Variants in FBXO38 observed in about 807,000 individuals in gnomAD.
The protein encoded by FBXO38 is F-box only protein 38.
A neutral mutation model predicts 131.9 loss-of-function variants in FBXO38; 53 were observed. That is an observed-to-expected ratio of 0.40 (90% CI 0.32 to 0.51). FBXO38 has a LOEUF of 0.51. Ranked by LOEUF, FBXO38 falls within the 20% of genes least tolerant of loss-of-function variation. FBXO38 has a pLI of 0.53. For synonymous variants in FBXO38, 452 were observed against 505.6 expected (o/e 0.89, Z 1.42); for missense variants, 1,076 against 1,475.6 (o/e 0.73, Z 4.44).
chr5:148,424,039 G>C lies in FBXO38; in HGVS notation c.1660G>C (p.Val554Leu), dbSNP rs752367593. 3.7e-6 allele frequency: 6 copies of C among 1,613,524 alleles called. No individual in the cohort carries two copies. The South Asian group carries it at 5.5e-5, about 15-fold the overall frequency. Residue 554 changes from valine to leucine, a missense_variant, in exon 13 of 22, where the codon GTG (valine) becomes CTG (leucine). By Grantham distance (32) the Val-to-Leu change is conservative. Around this residue, in one of 8 missense-constraint regions of FBXO38, gnomAD observed 212 missense variants for 221.2 expected, o/e 0.96. Transcript: ENST00000340253. ...AGACATCGTCCAAGAAGATGGAGAG[G>C]TGGTGGCCGAGAGTGGAAATAATAC... ...MEDIVQEDGE[V>L]VAESGNNTPA...
At chr5:148,408,784 G>A (rs991137553) in intron 7 of FBXO38, among the ~76,000 whole-genome samples, 3 of 152,080 alleles carry the variant, frequency 2.0e-5, no homozygotes, top group Admixed American at 6.5e-5. Context: ...TATGATATTT[G>A]GAGGTTCGAA....
In FBXO38 at chr5:148,427,235, A is replaced by C. The variant is rs1295146827; in HGVS notation, c.1941A>C (p.Pro647=). 6.2e-7 allele frequency: 1 copy of C among 1,600,316 alleles called. No homozygotes were observed. The highest frequency in any genetic ancestry group is 8.5e-7 in the Non-Finnish European group (1 of 1,173,134). ...CAGTAAGTGGAAAAGGCAAGACTCC[A>C]CTTCGAAAGAGGTACAACTCCCATC... The part of the protein sequence containing the change: ...ELSVSGKGKT[P]LRKRYNSHQM... Residue 647 remains proline, a synonymous_variant, in exon 15 of 22, where the codon CCA becomes CCC. Transcript: ENST00000340253.
chr5:148,410,827 A>G, intron 9 of FBXO38, 62 bp downstream of exon 9: 7 of 1,492,732 alleles, frequency 4.7e-6, no homozygotes, highest in Non-Finnish European at 5.5e-6. Flanking sequence ...ACAAACTGAA[A>G]TCTGAATTGG....
At chr5:148,393,219 G>GTT (rs1358503238) in intron 1 of FBXO38, among the ~76,000 whole-genome samples, 5 of 151,240 alleles carry the variant, frequency 3.3e-5, no homozygotes, top group Non-Finnish European at 7.4e-5. Flanking sequence ...GTGTGTGTGT[G>GTT]TGTGTGTGTG....
Position 148,442,507 on chromosome 5 carries a change from A to G in FBXO38, c.*360A>G, listed in dbSNP as rs1754748898. On this transcript the variant is annotated 3_prime_UTR_variant, in exon 22 of 22. Coordinates refer to ENST00000340253, the MANE Select transcript of FBXO38 (RefSeq NM_205836.3). ...TTAATGATTATTGTCATCCCTTTAA[A>G]TCTGTGCCTTTTTCTTCTTGAGCGA... 1 of 160,732 alleles carries G rather than the reference A, an allele frequency of 6.2e-6. No individual in the cohort carries two copies. Among genetic ancestry groups the G allele is most frequent in the Non-Finnish European group, 1.4e-5 (1 of 73,792 alleles). The allele number at this position is 160,732 out of a possible 1,614,324, so 10.0% of individuals were successfully genotyped here.
At chr5:148,423,307 C>G (rs1753544257) in intron 12 of FBXO38, among the ~76,000 whole-genome samples, 1 of 152,134 alleles carries the variant, frequency 6.6e-6, no homozygotes, top group African/African-American at 2.4e-5. Flanking sequence ...CTGTTAAAAC[C>G]TCTAGACCTC....
intron 1 of FBXO38, among the ~76,000 whole-genome samples, chr5:148,391,733 A>G (rs542607721): frequency 1.1e-4 from 17 of 152,186 alleles, no homozygotes; most frequent in Non-Finnish European, 2.1e-4. Flanking sequence ...TTGCTTGGCC[A>G]TGTATATTGT....
rs1389669161 is a variant in FBXO38 at position 148,439,653 on chromosome 5, A to C, written c.3031A>C (p.Thr1011Pro). Residue 1011 changes from threonine (T) to proline (P), a missense_variant, in exon 19 of 22, where the codon ACT (threonine) becomes CCT (proline). Transcript: ENST00000340253. Reference sequence around the variant, plus strand: ...TTTATGATGTCTTCCACAGGTGGACACTCTAACTTTGGAGCAGAAGCTATT... The same window carrying C: ...TTTATGATGTCTTCCACAGGTGGACCCTCTAACTTTGGAGCAGAAGCTATT... ...IYLRPMQQVD[T>P]LTLEQKLFSG... The C allele has an allele frequency of 9.4e-6, 15 of 1,603,026 alleles. No individual in the cohort carries two copies. Among genetic ancestry groups the C allele is most frequent in the Non-Finnish European group, 1.3e-5 (15 of 1,179,394 alleles).
chr5:148,408,318 T>C (rs1752553490), intron 7 of FBXO38, among the ~76,000 whole-genome samples: 3 of 152,334 alleles, frequency 2.0e-5, no homozygotes, highest in Admixed American at 6.5e-5. Context: ...TGAAATACTG[T>C]TTGGTAGTAT....
intron 6 of FBXO38, 109 bp downstream of exon 6, chr5:148,404,931 A>T (rs1268488328): frequency 6.4e-6 from 6 of 944,626 alleles, no homozygotes; most frequent in Admixed American, 7.6e-5. Context: ...ATTACTATTT[A>T]TGTCTTATAA....
intron 21 of FBXO38, 94 bp from the exon 22 acceptor site, chr5:148,441,875 G>T: frequency 1.0e-6 from 1 of 997,162 alleles, no homozygotes; most frequent in Non-Finnish European, 1.5e-6. Context: ...TTATAGTGCA[G>T]TATATGGGAC....
intron 5 of FBXO38, among the ~76,000 whole-genome samples, chr5:148,404,147 A>G (rs17638781): frequency 0.1 from 15,328 of 152,226 alleles, 1,000 homozygotes; most frequent in South Asian, 0.15. Flanking sequence ...ACAAATTCTT[A>G]AGATTCATAT....
intron 15 of FBXO38, among the ~76,000 whole-genome samples, chr5:148,428,630 T>C (rs1753861862): frequency 6.6e-6 from 1 of 152,240 alleles, no homozygotes; most frequent in South Asian, 2.1e-4. Context: ...GCCTTTATTA[T>C]ATCATTACTG....
intron 2 of FBXO38, among the ~76,000 whole-genome samples, chr5:148,396,356 G>C (rs745359985): frequency 6.6e-6 from 1 of 152,096 alleles, no homozygotes; most frequent in South Asian, 2.1e-4. Flanking sequence ...ACAAACATAG[G>C]CTCCATTCAA....
chr5:148,415,921 T>C lies in FBXO38; in HGVS notation c.1265-7T>C, dbSNP rs888571837. The C allele has an allele frequency of 7.4e-6, 12 of 1,613,322 alleles. No individual in the cohort carries two copies. Among genetic ancestry groups the C allele is most frequent in the Admixed American group, 1.7e-5 (1 of 59,966 alleles). ...GATTTTCTCTGGTCATGTCATTTCT[T>C]TAACAGACCACTCAAGATGGACTCG... is the stretch of plus-strand genomic sequence containing the variant. On this transcript the variant is annotated splice_region_variant and splice_polypyrimidine_tract_variant and intron_variant, in intron 10 of 21. Coordinates refer to ENST00000340253, the MANE Select transcript of FBXO38 (RefSeq NM_205836.3).
intron 6 of FBXO38, among the ~76,000 whole-genome samples, chr5:148,405,556 A>C (rs886901694): frequency 2.0e-5 from 3 of 152,116 alleles, no homozygotes; most frequent in African/African-American, 4.8e-5. Context: ...ACACCTTTCC[A>C]AGATATATCT....
intron 1 of FBXO38, among the ~76,000 whole-genome samples, chr5:148,389,051 C>G (rs1758060757): frequency 6.6e-6 from 1 of 152,074 alleles, no homozygotes; most frequent in South Asian, 2.1e-4. Flanking sequence ...CATTGTGTCT[C>G]AGGAAATAGG....
At position 148,433,190 on chromosome 5, in the gene FBXO38, T is replaced by G; in HGVS notation, c.2654-234T>G. On this transcript the variant is annotated intron_variant, in intron 15 of 21. Coordinates refer to ENST00000340253, the MANE Select transcript of FBXO38 (RefSeq NM_205836.3). Reference sequence around the variant, plus strand: ...AGGAATGTTTATTAGATTATTAGGATGACCTAGGCATGAGAAGGGTTGTTA... The same window carrying G: ...AGGAATGTTTATTAGATTATTAGGAGGACCTAGGCATGAGAAGGGTTGTTA... The G allele has an allele frequency of 7.9e-6, 3 of 382,134 alleles. No homozygotes were observed. In the South Asian group the frequency reaches 1.1e-4, roughly 14 times the overall value. The allele number at this position is 382,134 out of a possible 1,614,324, so 23.7% of individuals were successfully genotyped here. A position where few individuals can be genotyped will look rare whatever the true frequency, so the allele number is the denominator to read the frequency against.
intron 1 of FBXO38, among the ~76,000 whole-genome samples, chr5:148,392,607 G>GTGTGTC (rs1016579843): frequency 6.6e-6 from 1 of 151,572 alleles, no homozygotes; most frequent in African/African-American, 2.4e-5. Context: ...GTGTGTGTGT[G>GTGTGTC]TGTGTGTGTG....
Sources: allele counts gnomAD v4.1 joint callset (sites outside exome capture counted in the v4.1 genomes callset), GRCh38; gene constraint gnomAD v4.1.1; regional missense constraint gnomAD v4.1.1; transcripts MANE v1.5; gene names NCBI Gene and HGNC (gene_info 2026-07-23, HGNC 2026-07-21).